GRAMD2B: variants seen among roughly 807,000 people sequenced by gnomAD.
GRAMD2B encodes the protein GRAM domain containing 2B.
In GRAMD2B, 41 loss-of-function variants were observed where a neutral mutation model predicts 59.2. The ratio of observed to expected loss-of-function variants is 0.69; its 90% CI spans 0.54 to 0.90. GRAMD2B has a LOEUF of 0.90. GRAMD2B is among the 40% of genes least tolerant of loss of function. GRAMD2B has a pLI of 0.00. For synonymous variants in GRAMD2B, 161 were observed against 182.7 expected (o/e 0.88, Z 0.96); for missense variants, 424 against 500.5 (o/e 0.85, Z 1.46).
chr5:126,371,599 C>T, intron 1 of GRAMD2B: 1 of 1,264,744 alleles, frequency 7.9e-7, no homozygotes, highest in Non-Finnish European at 1.0e-6. Context: ...CCATCCACGT[C>T]TGTCCCCCTG....
chr5:126,382,973 T>A (rs1349788540), intron 1 of GRAMD2B, among the ~76,000 whole-genome samples: 14 of 152,108 alleles, frequency 9.2e-5, no homozygotes. Flanking sequence ...TTCACGGATG[T>A]AGCCACTCAG....
In GRAMD2B at chr5:126,484,411, C is replaced by G; in HGVS notation, c.857C>G (p.Ala286Gly). 1 of 1,613,380 alleles carries G rather than the reference C, an allele frequency of 6.2e-7. No homozygotes were observed. The highest frequency in any genetic ancestry group is 8.5e-7 in the Non-Finnish European group (1 of 1,179,764). Reference protein sequence around the residue: ...PESENSRDFHATESQTVLNVS... With the variant: ...PESENSRDFHGTESQTVLNVS... ...TGTTTTGGCTTAGTAGATTTCCATGCGACAGAATCCCAAACAGTTCTGAAT... is the reference window on the plus strand; with the variant it reads ...TGTTTTGGCTTAGTAGATTTCCATGGGACAGAATCCCAAACAGTTCTGAAT... Residue 286 changes from alanine (A) to glycine (G), a missense_variant, in exon 10 of 14, where the codon GCG (alanine) becomes GGG (glycine). Ala to Gly is a moderately conservative substitution (Grantham distance 60, BLOSUM62 0). Transcript: ENST00000285689.
intron 1 of GRAMD2B, among the ~76,000 whole-genome samples, chr5:126,361,541 G>C (rs1029288080): frequency 1.4e-4 from 21 of 150,020 alleles, no homozygotes; most frequent in Non-Finnish European, 2.7e-4. Context: ...AGAGGATTGA[G>C]TAAGTTTCTA....
intron 3 of GRAMD2B, among the ~76,000 whole-genome samples, chr5:126,472,014 T>A (rs1769682503): frequency 6.6e-6 from 1 of 152,226 alleles, no homozygotes; most frequent in South Asian, 2.1e-4. Context: ...AGCAGCTGCA[T>A]CATTATATCC....
intron 1 of GRAMD2B, among the ~76,000 whole-genome samples, chr5:126,374,493 T>C (rs530110166): frequency 6.6e-6 from 1 of 152,230 alleles, no homozygotes; most frequent in African/African-American, 2.4e-5. Context: ...AAGTATTTTA[T>C]TCCAACATAT....
At chr5:126,453,050 A>T (rs1175804755) in intron 1 of GRAMD2B, among the ~76,000 whole-genome samples, 1 of 152,220 alleles carries the variant, frequency 6.6e-6, no homozygotes, top group Non-Finnish European at 1.5e-5. Flanking sequence ...TCATTGTGAC[A>T]TCCAATTGCT....
In GRAMD2B at chr5:126,484,452, G is replaced by GCAAAGCCAACT; in HGVS notation, c.900_910dup (p.Arg304GlnfsTer10). On this transcript the variant is annotated frameshift_variant, in exon 10 of 14. Coordinates refer to ENST00000285689, the MANE Select transcript of GRAMD2B (RefSeq NM_023927.4). LOFTEE classifies it high-confidence loss of function. ...AGTTCTGAATGTCTCCAAGGGAGAA[G>GCAAAGCCAACT]CAAAGCCAACTCGGGCAGATGCCCA... The GCAAAGCCAACT allele has an allele frequency of 1.2e-6, 2 of 1,614,192 alleles. No individual in the cohort carries two copies. The highest frequency in any genetic ancestry group is 1.7e-6 in the Non-Finnish European group (2 of 1,180,028).
intron 1 of GRAMD2B, among the ~76,000 whole-genome samples, chr5:126,411,841 G>GGTGTGTGTGTGTGTGTGT (rs147604532): frequency 0.011 from 1,609 of 148,846 alleles, 31 homozygotes; most frequent in African/African-American, 0.037. Context: ...ATATATTTCT[G>GGTGTGTGTGTGTGTGTGT]GTGTGTGTGT....
chr5:126,464,560 C>T (rs561802445), intron 1 of GRAMD2B, among the ~76,000 whole-genome samples: 5 of 152,172 alleles, frequency 3.3e-5, no homozygotes, highest in African/African-American at 4.8e-5. Flanking sequence ...TATGCACAAA[C>T]CTTCTTGACT....
At chr5:126,450,401 A>G (rs1267302203) in intron 1 of GRAMD2B, among the ~76,000 whole-genome samples, 1 of 152,154 alleles carries the variant, frequency 6.6e-6, no homozygotes, top group Non-Finnish European at 1.5e-5. Flanking sequence ...CTCTCTCTGG[A>G]TAAAATTTAT....
intron 1 of GRAMD2B, among the ~76,000 whole-genome samples, chr5:126,380,476 T>C (rs1755573036): frequency 6.6e-6 from 1 of 152,234 alleles, no homozygotes; most frequent in African/African-American, 2.4e-5. Context: ...ATTGAATTTG[T>C]AACTTGCTTT....
rs1755959335 is a variant in GRAMD2B, at chr5:126,384,659, C to T, written c.125+13092C>T. On this transcript the variant is annotated intron_variant, in intron 1 of 8. Coordinates refer to the GRAMD2B transcript ENST00000506445. ...GCCTCTTAAGGAGAATTATCTGTGA[C>T]CCTGGTCAGCTTCCCCAGTCATATC... Among the ~76,000 whole-genome samples the T allele has an allele frequency of 2.0e-5, 3 of 152,168 alleles. 1 individual carries two copies. Among genetic ancestry groups the T allele is most frequent in the Admixed American group, 1.3e-4 (2 of 15,278 alleles).
At chr5:126,490,223 A>G (rs957354389) in intron 13 of GRAMD2B, 2 of 152,228 alleles carry the variant, frequency 1.3e-5, no homozygotes, top group Admixed American at 6.5e-5. Flanking sequence ...TTTGGCTTTC[A>G]TGCAACCCAG....
upstream of GRAMD2B, among the ~76,000 whole-genome samples, chr5:126,367,387 G>A (rs1754504505): frequency 6.7e-6 from 1 of 149,836 alleles, no homozygotes; most frequent in South Asian, 2.1e-4. Context: ...GGTGGTTCTG[G>A]TTTGATCTTA....
At chr5:126,361,687 C>T (rs977212905) in intron 1 of GRAMD2B, among the ~76,000 whole-genome samples, 2 of 152,104 alleles carry the variant, frequency 1.3e-5, no homozygotes, top group Non-Finnish European at 2.9e-5. Flanking sequence ...CTGCAGTTCT[C>T]GTGATGGCCC....
intron 1 of GRAMD2B, among the ~76,000 whole-genome samples, chr5:126,362,072 TG>T (rs1372773016): frequency 6.6e-6 from 1 of 152,250 alleles, no homozygotes; most frequent in Non-Finnish European, 1.5e-5. Context: ...TCTCCTCCTT[TG>T]TTTTTTATTA....
chr5:126,409,446 GA>G (rs1485131924), intron 1 of GRAMD2B, among the ~76,000 whole-genome samples: 1 of 152,188 alleles, frequency 6.6e-6, no homozygotes, highest in Non-Finnish European at 1.5e-5. Context: ...CAGTGATGGT[GA>G]GCATTTTTTC....
At chr5:126,362,997 T>C in intron 1 of GRAMD2B, among the ~76,000 whole-genome samples, 1 of 152,198 alleles carries the variant, frequency 6.6e-6, no homozygotes, top group Admixed American at 6.5e-5. Flanking sequence ...AAAACTTTCT[T>C]TGGTGCTTCA....
At chr5:126,443,533 C>T (rs900955327) in intron 1 of GRAMD2B, among the ~76,000 whole-genome samples, 5 of 152,204 alleles carry the variant, frequency 3.3e-5, no homozygotes, top group Admixed American at 6.5e-5. Context: ...AGTCCTCCCA[C>T]ATCCTCTTTC....
Sources: allele counts gnomAD v4.1 joint callset (sites outside exome capture counted in the v4.1 genomes callset), GRCh38; gene constraint gnomAD v4.1.1; transcripts MANE v1.5; gene names NCBI Gene and HGNC (gene_info 2026-07-23, HGNC 2026-07-21).